Variants in SH3RF3 observed in about 807,000 individuals in gnomAD.
The protein encoded by SH3RF3 is SH3 domain containing ring finger 3.
A neutral mutation model predicts 66.3 loss-of-function variants in SH3RF3; 29 were observed. The ratio of observed to expected loss-of-function variants is 0.44; its 90% CI spans 0.33 to 0.60. SH3RF3 has a LOEUF of 0.60. SH3RF3 is among the 20% of genes least tolerant of loss of function. SH3RF3 has a pLI of 0.04. For synonymous variants in SH3RF3, 583 were observed against 532.0 expected, an observed-to-expected ratio of 1.10 and a Z score of -1.32; for missense variants, 1,194 against 1,190.9, an observed-to-expected ratio of 1.00 and a Z score of -0.04.
intron 1 of SH3RF3, among the ~76,000 whole-genome samples, chr2:109,299,767 A>G (rs1342135688): frequency 6.6e-6 from 1 of 152,220 alleles, no homozygotes; most frequent in Non-Finnish European, 1.5e-5. Context: ...CTCAGTTGGC[A>G]GCACCAGATG....
intron 1 of SH3RF3, among the ~76,000 whole-genome samples, chr2:109,234,578 C>T (rs773141503): frequency 3.3e-5 from 5 of 152,226 alleles, no homozygotes; most frequent in African/African-American, 7.2e-5. Flanking sequence ...AGGCTGCCCT[C>T]GTTGACAGCT....
intron 9 of SH3RF3, among the ~76,000 whole-genome samples, chr2:109,493,717 A>C (rs1679187677): frequency 6.6e-6 from 1 of 151,614 alleles, no homozygotes; most frequent in East Asian, 1.9e-4. Flanking sequence ...TACACACCAT[A>C]AACACACACC....
chr2:109,501,295 A>T (rs369179509), intron 9 of SH3RF3, among the ~76,000 whole-genome samples: 21 of 152,362 alleles, frequency 1.4e-4, no homozygotes, highest in African/African-American at 4.3e-4. Flanking sequence ...AAAGGACAGC[A>T]GGGGGAAATG....
In SH3RF3 at chr2:109,379,671, C is replaced by T. The variant is rs1683468112; in HGVS notation, c.945+7990C>T. On this transcript the variant is annotated intron_variant, in intron 3 of 9. Transcript: ENST00000309415. ...TTACAAGCTCCTGCCGCAGCGACAG[C>T]CTGTGGAAGGGATCCCCCAGCCTTA... is the stretch of plus-strand genomic sequence containing the variant. 2.0e-5 allele frequency among the ~76,000 whole-genome samples: 3 copies of T among 152,312 alleles called. No individual in the cohort carries two copies. In the South Asian group the frequency reaches 6.2e-4, roughly 32 times the overall value.
chr2:109,166,989 G>A (rs1226492616), intron 1 of SH3RF3, among the ~76,000 whole-genome samples: 2 of 152,216 alleles, frequency 1.3e-5, no homozygotes, highest in African/African-American at 4.8e-5. Context: ...CCTCCAGCAA[G>A]CTAAGTAGCT....
At chr2:109,444,882 A>T (rs1677664293) in intron 7 of SH3RF3, among the ~76,000 whole-genome samples, 1 of 152,228 alleles carries the variant, frequency 6.6e-6, no homozygotes, top group African/African-American at 2.4e-5. Context: ...GCATCTTTGA[A>T]ATCAGTATGT....
At chr2:109,268,634 C>T (rs1176268421) in intron 1 of SH3RF3, among the ~76,000 whole-genome samples, 4 of 152,134 alleles carry the variant, frequency 2.6e-5, no homozygotes, top group East Asian at 1.9e-4. Context: ...GGTGCAGAAG[C>T]GATACACATT....
At chr2:109,307,257 C>T (rs1455491173) in intron 1 of SH3RF3, among the ~76,000 whole-genome samples, 2 of 152,142 alleles carry the variant, frequency 1.3e-5, no homozygotes, top group African/African-American at 4.8e-5. Flanking sequence ...TGTGTAGCCA[C>T]ATTGATTTAA....
At chr2:109,471,114 G>T (rs1444758557) in intron 8 of SH3RF3, among the ~76,000 whole-genome samples, 1 of 151,296 alleles carries the variant, frequency 6.6e-6, no homozygotes, top group Non-Finnish European at 1.5e-5. Flanking sequence ...CAGCTACTTG[G>T]GAGGCTGAGA....
chr2:109,248,322 T>C (rs910863314), intron 1 of SH3RF3, among the ~76,000 whole-genome samples: 4 of 152,202 alleles, frequency 2.6e-5, no homozygotes, highest in Non-Finnish European at 5.9e-5. Context: ...TCCCCACCCT[T>C]GAAGCCATAC....
At chr2:109,289,225 C>T (rs780681443) in intron 1 of SH3RF3, among the ~76,000 whole-genome samples, 1 of 152,206 alleles carries the variant, frequency 6.6e-6, no homozygotes, top group Non-Finnish European at 1.5e-5. Flanking sequence ...GGACTGCACG[C>T]TCTATGTGCA....
chr2:109,442,749 G>T (rs73953112), intron 7 of SH3RF3, among the ~76,000 whole-genome samples: 1 of 152,024 alleles, frequency 6.6e-6, no homozygotes, highest in Non-Finnish European at 1.5e-5. Flanking sequence ...GAATAAAAAG[G>T]AATCATGAAA....
At chr2:109,192,766 A>G (rs780569365) in intron 1 of SH3RF3, among the ~76,000 whole-genome samples, 2 of 152,226 alleles carry the variant, frequency 1.3e-5, no homozygotes, top group Non-Finnish European at 2.9e-5. Flanking sequence ...CCACCCATGG[A>G]AGTCACAGCA....
intron 4 of SH3RF3, 81 bp downstream of exon 4, chr2:109,399,024 C>A: frequency 1.4e-6 from 2 of 1,402,124 alleles, no homozygotes; most frequent in Non-Finnish European, 1.9e-6. Context: ...GTCCCCCGTT[C>A]CTCAACTAGC....
At chr2:109,442,310 C>CAAA (rs530557141) in intron 7 of SH3RF3, among the ~76,000 whole-genome samples, 37 of 75,924 alleles carry the variant, frequency 4.9e-4, no homozygotes, top group Non-Finnish European at 3.9e-4. Flanking sequence ...GACTCCACCT[C>CAAA]AAAAAAAAAA....
At chr2:109,317,891 G>A (rs1033093781) in intron 1 of SH3RF3, among the ~76,000 whole-genome samples, 1 of 141,478 alleles carries the variant, frequency 7.1e-6, no homozygotes, top group African/African-American at 2.4e-5. Flanking sequence ...GAGGAAAGAT[G>A]TATGTGGCCA....
chr2:109,287,661 TC>T (rs2105357702), intron 1 of SH3RF3, among the ~76,000 whole-genome samples: 1 of 152,224 alleles, frequency 6.6e-6, no homozygotes, highest in Non-Finnish European at 1.5e-5. Context: ...ATCAGGGTGT[TC>T]CCCTTCTGGG....
intron 1 of SH3RF3, among the ~76,000 whole-genome samples, chr2:109,266,657 GGGCAGCTCA>G (rs1463349118): frequency 6.6e-6 from 1 of 151,898 alleles, no homozygotes; most frequent in Non-Finnish European, 1.5e-5. Flanking sequence ...TCAGCACAAA[GGGCAGCTCA>G]GGAGCCAGTG....
rs1253886662 is a variant in SH3RF3, at chr2:109,436,981, G to A, written c.1663G>A (p.Gly555Ser). ...AGGGATAACCACAACCATGCACCCA[G>A]GCAGTGGGAGTCTGAGCAGCCTGGC... ...AKGITTTMHPGSGSLSSLATA... is the reference protein window; with the variant it reads ...AKGITTTMHPSSGSLSSLATA... The change falls in exon 7 of 10, where the codon GGC becomes AGC. Residue 555 changes from glycine to serine, a missense_variant. Transcript: ENST00000309415. 31 of 1,613,870 alleles carry A rather than the reference G, an allele frequency of 1.9e-5. No individual in the cohort carries two copies. Among genetic ancestry groups the A allele is most frequent in the Non-Finnish European group, 2.6e-5 (31 of 1,179,886 alleles).
Sources: allele counts gnomAD v4.1 joint callset (sites outside exome capture counted in the v4.1 genomes callset), GRCh38; gene constraint gnomAD v4.1.1; transcripts MANE v1.5; gene names NCBI Gene and HGNC (gene_info 2026-07-23, HGNC 2026-07-21).